Variants in ACSL5 observed in about 807,000 individuals in gnomAD.
The protein encoded by ACSL5 is acyl-CoA synthetase long chain family member 5.
ACSL5 carries 50 observed loss-of-function variants against 84.9 expected under a neutral mutation model. The ratio of observed to expected loss-of-function variants is 0.59; its 90% confidence interval spans 0.47 to 0.75. The LOEUF is 0.75. ACSL5 is among the 30% of genes least tolerant of loss of function. ACSL5 has a pLI of 0.00. For synonymous variants in ACSL5, 280 were observed against 300.7 expected, an observed-to-expected ratio of 0.93 and a Z score of 0.71; for missense variants, 775 against 830.4, an observed-to-expected ratio of 0.93 and a Z score of 0.82.
rs76441306 is a variant in ACSL5, at chr10:112,394,654, T to C, written c.-29-264T>C. ...CAAAATTGTTTGGGAAATGATTAAC[T>C]TGTTTCCTTTGATCCTCCCTGCTCT... On this transcript the variant is annotated intron_variant, in intron 1 of 20. Coordinates refer to ENST00000354655, the MANE Select transcript of ACSL5 (RefSeq NM_203379.2). 5.7e-4 allele frequency: 464 copies of C among 818,178 alleles called. 4 individuals carry two copies. The African/African-American group carries it at 7.9e-3, about 14-fold the overall frequency. The allele number at this position is 818,178 out of a possible 1,614,324, so 50.7% of individuals were successfully genotyped here.
At position 112,377,001 on chromosome 10, in the gene ACSL5, G is replaced by A. The variant is rs545869965; in HGVS notation, c.-30+2732G>A. Among the ~76,000 whole-genome samples the A allele has an allele frequency of 1.9e-4, 15 of 78,798 alleles. No individual in the cohort carries two copies. The East Asian group carries it at 3.5e-3, about 19-fold the overall frequency. The allele number at this position is 78,798 out of a possible 152,430, so 51.7% of individuals were successfully genotyped here. A position where few individuals can be genotyped will look rare whatever the true frequency, so the allele number is the denominator to read the frequency against. On this transcript the variant is annotated intron_variant, in intron 1 of 20. Coordinates refer to ENST00000354655, the MANE Select transcript of ACSL5 (RefSeq NM_203379.2). ...AGCACTGGAAAGGGACTCTACCACT[G>A]GAGACCCTCAGGGAATAAGCACTGG... is the stretch of plus-strand genomic sequence containing the variant.
intron 1 of ACSL5, among the ~76,000 whole-genome samples, chr10:112,377,544 CACAA>C (rs1281571126): frequency 1.3e-5 from 2 of 152,056 alleles, no homozygotes; most frequent in African/African-American, 4.8e-5. Flanking sequence ...AAAAACAACA[CACAA>C]ACAAACAAAT....
Position 112,417,861 on chromosome 10 carries a change from A to T in ACSL5, c.1234A>T (p.Arg412Trp). The T allele has an allele frequency of 1.9e-6, 3 of 1,614,128 alleles. No homozygotes were observed. Among genetic ancestry groups the T allele is most frequent in the Non-Finnish European group, 2.5e-6 (3 of 1,179,994 alleles). The change falls in exon 14 of 21, where the codon AGG becomes TGG. Residue 412 changes from arginine to tryptophan, a missense_variant. Arg to Trp is a moderately radical substitution (Grantham distance 101, BLOSUM62 -3). Coordinates refer to ENST00000354655, the MANE Select transcript of ACSL5 (RefSeq NM_203379.2). ...CACTGAACAGGACAGCCTGGGCGGA[A>T]GGGTTCGTGTAATTGTCACTGGAGC... ...FAKIQDSLGG[R>W]VRVIVTGAAP...
intron 1 of ACSL5, among the ~76,000 whole-genome samples, chr10:112,391,436 T>C (rs73363045): frequency 0.011 from 1,623 of 152,128 alleles, 32 homozygotes; most frequent in African/African-American, 0.037. Context: ...GTTGGATACC[T>C]GGTCAGTGGT....
intron 3 of ACSL5, among the ~76,000 whole-genome samples, chr10:112,403,256 A>C (rs1384832551): frequency 6.6e-6 from 1 of 152,222 alleles, no homozygotes; most frequent in Non-Finnish European, 1.5e-5. Context: ...TATAGTAATA[A>C]CTTTTCAAAC....
Position 112,417,887 on chromosome 10 carries a change from TG to T in ACSL5, c.1261del (p.Ala421ProfsTer8). 1 of 1,614,030 alleles carries T rather than the reference TG, an allele frequency of 6.2e-7. No homozygotes were observed. The highest frequency in any genetic ancestry group is 8.5e-7 in the Non-Finnish European group (1 of 1,179,976). On this transcript the variant is annotated frameshift_variant, in exon 14 of 21. Coordinates refer to ENST00000354655, the MANE Select transcript of ACSL5 (RefSeq NM_203379.2). LOFTEE classifies it high-confidence loss of function. ...GRVRVIVTGA[A>X]PMSTSVMTFF... ...GGGTTCGTGTAATTGTCACTGGAGC[TG>T]CCCCCATGTCCACTTCAGTCATGAC...
chr10:112,385,391 G>A (rs1849429214), intron 1 of ACSL5, among the ~76,000 whole-genome samples: 1 of 152,208 alleles, frequency 6.6e-6, no homozygotes, highest in African/African-American at 2.4e-5. Context: ...GAGATAAGCT[G>A]ATGGTAGAAT....
intron 7 of ACSL5, 114 bp from the exon 8 acceptor site, chr10:112,410,349 T>G: frequency 6.4e-7 from 1 of 1,567,718 alleles, no homozygotes; most frequent in Non-Finnish European, 8.7e-7. Context: ...GGTTGGAATT[T>G]TGCTTATATT....
In ACSL5 at chr10:112,409,556, G is replaced by A. The variant is rs768995291; in HGVS notation, c.582G>A (p.Leu194=). 6.2e-7 allele frequency: 1 copy of A among 1,613,912 alleles called. No individual in the cohort carries two copies. Among genetic ancestry groups the A allele is most frequent in the Non-Finnish European group, 8.5e-7 (1 of 1,180,028 alleles). The change falls in exon 7 of 21, where the codon CTG becomes CTA. Residue 194 remains leucine (L), a synonymous_variant. Transcript: ENST00000354655. ...ACACACCCCAAAAGGCATTGGTGCT[G>A]ATAGGGAATGTAGAGAAAGGCTTCA... ...ICDTPQKALV[L]IGNVEKGFTP...
In ACSL5 at chr10:112,392,916, A is replaced by AAT. The variant is rs144204390; in HGVS notation, c.-29-1985_-29-1984dup. On this transcript the variant is annotated intron_variant, in intron 1 of 20. Coordinates refer to ENST00000354655, the MANE Select transcript of ACSL5 (RefSeq NM_203379.2). ...GGCAACAGAGTAAGACCGTGTCTCA[A>AAT]ATATATATATATATATATCCAGTCT... 5.8e-3 allele frequency among the ~76,000 whole-genome samples: 854 copies of AAT among 147,900 alleles called. 3 individuals are homozygous for AAT. Among genetic ancestry groups the AAT allele is most frequent in the African/African-American group, 0.014 (554 of 40,550 alleles).
At chr10:112,406,297 T>G (rs974346615) in intron 5 of ACSL5, 1 of 152,270 alleles carries the variant, frequency 6.6e-6, no homozygotes, top group Non-Finnish European at 1.5e-5. Context: ...TTTTTCATTT[T>G]GTCTTCACAC....
At chr10:112,421,518 G>A (rs534331951) in intron 14 of ACSL5, 75 bp from the exon 15 acceptor site, 31 of 1,348,620 alleles carry the variant, frequency 2.3e-5, no homozygotes, top group East Asian at 2.3e-4. Context: ...TGCTTTCCTC[G>A]TGTCTTGACC....
At chr10:112,405,030 C>A (rs1483171608) in intron 5 of ACSL5, among the ~76,000 whole-genome samples, 1 of 152,138 alleles carries the variant, frequency 6.6e-6, no homozygotes, top group Non-Finnish European at 1.5e-5. Flanking sequence ...TCTCTTTTTT[C>A]TCAGCCTATC....
intron 2 of ACSL5, among the ~76,000 whole-genome samples, chr10:112,396,736 A>C (rs1843754720): frequency 6.6e-6 from 1 of 152,048 alleles, no homozygotes; most frequent in East Asian, 1.9e-4. Flanking sequence ...TTTCAGTTAA[A>C]TGTATCTCTT....
intron 12 of ACSL5, among the ~76,000 whole-genome samples, chr10:112,414,658 C>T (rs977172731): frequency 5.9e-5 from 9 of 152,106 alleles, no homozygotes; most frequent in Admixed American, 3.9e-4. Context: ...ACTGCCCCAT[C>T]GTGGCAGTTG....
At chr10:112,411,247 TAGA>T (rs1363827571) in intron 9 of ACSL5, 2 of 575,736 alleles carry the variant, frequency 3.5e-6, no homozygotes. Flanking sequence ...TGCATAGTAG[TAGA>T]AGGCCAACGA....
At chr10:112,417,417 C>T (rs1179698875) in intron 13 of ACSL5, among the ~76,000 whole-genome samples, 8 of 151,412 alleles carry the variant, frequency 5.3e-5, no homozygotes, top group African/African-American at 1.7e-4. Context: ...GCAGGATAAT[C>T]GCTTGAACCC....
At chr10:112,424,944 T>G in intron 17 of ACSL5, 1 of 154,884 alleles carries the variant, frequency 6.5e-6, no homozygotes, top group Non-Finnish European at 1.4e-5. Flanking sequence ...GTGGGAGAAC[T>G]ATTCAAATCA....
chr10:112,415,178 C>T (rs1226730810), intron 12 of ACSL5, among the ~76,000 whole-genome samples: 2 of 152,074 alleles, frequency 1.3e-5, no homozygotes, highest in African/African-American at 2.4e-5. Context: ...ACACAGTTCA[C>T]TTCTGGAATG....
Sources: allele counts gnomAD v4.1 joint callset (sites outside exome capture counted in the v4.1 genomes callset), GRCh38; gene constraint gnomAD v4.1.1; transcripts MANE v1.5; gene names NCBI Gene and HGNC (gene_info 2026-07-23, HGNC 2026-07-21).